CYP4Z1: variants seen among roughly 807,000 people sequenced by gnomAD.
The protein encoded by CYP4Z1 is cytochrome P450 4Z1.
Under a neutral mutation model 54.2 loss-of-function variants are expected in CYP4Z1, and 41 were observed. The ratio of observed to expected loss-of-function variants is 0.76; its 90% CI spans 0.59 to 0.98. The LOEUF (loss-of-function observed/expected upper bound fraction) is 0.98, where lower values mean the gene tolerates loss of function less well. CYP4Z1 is among the 50% of genes least tolerant of loss of function. The probability of loss-of-function intolerance (pLI) is 0.00; values close to 1 mark genes in which losing one functional copy is unlikely to be tolerated. For synonymous variants in CYP4Z1, 163 were observed against 206.2 expected, an observed-to-expected ratio of 0.79 and a Z score of 1.79; for missense variants, 513 against 599.0, an observed-to-expected ratio of 0.86 and a Z score of 1.50.
At chr1:47,108,126 AC>A (rs1403457070) in intron 9 of CYP4Z1, among the ~76,000 whole-genome samples, 80 of 152,208 alleles carry the variant, frequency 5.3e-4, no homozygotes, top group African/African-American at 1.8e-3. Context: ...TTTCCGCCAC[AC>A]CTTCTTGCCC....
intron 7 of CYP4Z1, among the ~76,000 whole-genome samples, chr1:47,095,120 TG>T (rs1388814151): frequency 6.6e-6 from 1 of 152,222 alleles, no homozygotes; most frequent in African/African-American, 2.4e-5. Context: ...TTTAATTATC[TG>T]GGCACTTGTC....
chr1:47,060,471 A>G, the CYP4Z1 span, among the ~76,000 whole-genome samples: 63,460 of 151,634 alleles, frequency 0.42, 14,574 homozygotes, highest in East Asian at 0.96. Context: ...AAAGAAGGGC[A>G]TTACATCAAG....
At chr1:47,108,786 C>T (rs2148540853) in intron 9 of CYP4Z1, among the ~76,000 whole-genome samples, 1 of 152,200 alleles carries the variant, frequency 6.6e-6, no homozygotes, top group African/African-American at 2.4e-5. Context: ...AAACCTATTC[C>T]TCCTCCTGGA....
At position 47,115,601 on chromosome 1, in the gene CYP4Z1, T is replaced by C. The variant is rs1160998573; in HGVS notation, c.1266+8T>C. 5 of 1,612,860 alleles carry C rather than the reference T, an allele frequency of 3.1e-6. No individual in the cohort carries two copies. In the South Asian group the frequency reaches 5.5e-5, roughly 18 times the overall value. ...TTCTGGGAAGACCCTCAGGTATGAT[T>C]GTCCCAACTGCACCCAGTGGCATCT... On this transcript the variant is annotated splice_region_variant and intron_variant, in intron 10 of 11. Transcript: ENST00000334194.
chr1:47,083,216 A>C (rs938638168), intron 4 of CYP4Z1, among the ~76,000 whole-genome samples: 4 of 152,088 alleles, frequency 2.6e-5, no homozygotes, highest in African/African-American at 9.7e-5. Context: ...GGGCTCAGAG[A>C]CATGGGTTCC....
upstream of CYP4Z1, among the ~76,000 whole-genome samples, chr1:47,064,977 A>G (rs1335322188): frequency 1.3e-5 from 2 of 152,244 alleles, no homozygotes; most frequent in South Asian, 2.1e-4. Flanking sequence ...TAAAAGGATT[A>G]GTCCAACAGA....
In CYP4Z1 at chr1:47,093,873, G is replaced by A. The variant is rs2758726; in HGVS notation, c.773-693G>A. 5.2e-3 allele frequency among the ~76,000 whole-genome samples: 788 copies of A among 152,256 alleles called. 9 individuals are homozygous for A. The highest frequency in any genetic ancestry group is 0.017 in the African/African-American group (717 of 41,558). Reference sequence around the variant, plus strand: ...AATGTGTGTTATGGAGAGAATTTCTGTTTCCACTAGTCATTTATCAGTTCC... The same window carrying A: ...AATGTGTGTTATGGAGAGAATTTCTATTTCCACTAGTCATTTATCAGTTCC... On this transcript the variant is annotated intron_variant, in intron 6 of 11. Transcript: ENST00000334194.
chr1:47,089,351 G>A (rs1462322592), intron 6 of CYP4Z1, among the ~76,000 whole-genome samples: 1 of 151,838 alleles, frequency 6.6e-6, no homozygotes, highest in Non-Finnish European at 1.5e-5. Flanking sequence ...CGAGGTATAT[G>A]TGCAGGATGT....
chr1:47,115,649 G>T (rs1188138483), intron 10 of CYP4Z1, 56 bp downstream of exon 10: 2 of 1,503,964 alleles, frequency 1.3e-6, no homozygotes, highest in Non-Finnish European at 1.8e-6. Flanking sequence ...AGAGGGAAGA[G>T]AAGCATCTTC....
chr1:47,116,146 A>G lies in CYP4Z1; in HGVS notation c.1267-504A>G, dbSNP rs535685335. 6.6e-5 allele frequency among the ~76,000 whole-genome samples: 10 copies of G among 152,244 alleles called. No homozygotes were observed. In the East Asian group the frequency reaches 1.9e-3, roughly 29 times the overall value. ...CCAACCCCACAGCCCAGGAGATACT[A>G]ATCGGCAGCCTCTCACAGAGACTTT... On this transcript the variant is annotated intron_variant, in intron 10 of 11. Transcript: ENST00000334194.
At position 47,106,192 on chromosome 1, in the gene CYP4Z1, C is replaced by A. The variant is rs1355393737; in HGVS notation, c.1132C>A (p.Pro378Thr). Residue 378 changes from proline (P) to threonine (T), a missense_variant, in exon 9 of 12, where the codon CCG becomes ACG. Physicochemically the swap from Pro to Thr is conservative, Grantham distance 38. Coordinates refer to ENST00000334194, the MANE Select transcript of CYP4Z1 (RefSeq NM_178134.3). The part of the protein sequence containing the change: ...CIKECLRLYA[P>T]VVNISRLLDK... ...CAAGGAATGCCTCCGCCTCTACGCA[C>A]CGGTAGTAAACATATCCCGGTTACT... 2.5e-6 allele frequency: 4 copies of A among 1,614,102 alleles called. No homozygotes were observed. Among genetic ancestry groups the A allele is most frequent in the East Asian group, 2.2e-5 (1 of 44,868 alleles).
At chr1:47,110,794 G>T (rs2758720) in intron 9 of CYP4Z1, among the ~76,000 whole-genome samples, 2 of 149,558 alleles carry the variant, frequency 1.3e-5, no homozygotes, top group Non-Finnish European at 3.0e-5. Context: ...CAACCATAGA[G>T]GTTAGACCCT....
intron 6 of CYP4Z1, among the ~76,000 whole-genome samples, chr1:47,088,023 C>T (rs1247579905): frequency 1.3e-5 from 2 of 152,126 alleles, no homozygotes; most frequent in Non-Finnish European, 2.9e-5. Context: ...GTTGAACCAG[C>T]CTTGCATCCC....
At chr1:47,105,083 A>G (rs1644747463) in intron 8 of CYP4Z1, among the ~76,000 whole-genome samples, 2 of 152,170 alleles carry the variant, frequency 1.3e-5, no homozygotes, top group South Asian at 4.1e-4. Context: ...TGGCCCTTGC[A>G]GCTACAGTTA....
Position 47,099,160 on chromosome 1 carries a change from G to C in CYP4Z1, c.943G>C (p.Gly315Arg), listed in dbSNP as rs769322320. 6.8e-6 allele frequency: 11 copies of C among 1,614,024 alleles called. No individual in the cohort carries two copies. In the East Asian group the frequency reaches 1.8e-4, roughly 26 times the overall value. The part of the protein sequence containing the change: ...QAEVKTFMFA[G>R]HDTTSSAISW... ...TGAAGTGAAAACGTTCATGTTTGCA[G>C]GACATGACACCACATCCAGTGCTAT... The change falls in exon 8 of 12, where the codon GGA becomes CGA. Residue 315 changes from glycine to arginine, a missense_variant. Gly to Arg is a moderately radical substitution (Grantham distance 125, BLOSUM62 -2). Coordinates refer to ENST00000334194, the MANE Select transcript of CYP4Z1 (RefSeq NM_178134.3).
Position 47,084,965 on chromosome 1 carries a change from T to A in CYP4Z1, c.759T>A (p.Leu253=). 1 of 1,400,386 alleles carries A rather than the reference T, an allele frequency of 7.1e-7. No individual in the cohort carries two copies. The highest frequency in any genetic ancestry group is 1.3e-5 in the South Asian group (1 of 74,976). The allele number at this position is 1,400,386 out of a possible 1,614,324, so 86.7% of individuals were successfully genotyped here. A position where few individuals can be genotyped will look rare whatever the true frequency, so the allele number is the denominator to read the frequency against. ...TCTTTTCTAAATTTAACCAAGAACT[T>A]CATCAGTTCACAGGTTAGTCCTGGG... ...GQIFSKFNQE[L]HQFTEKVIQD... is the part of the protein sequence containing the mutation. The change falls in exon 6 of 12, where the codon CTT becomes CTA. Residue 253 remains leucine (L), a synonymous_variant. Transcript: ENST00000334194.
At chr1:47,082,725 T>C (rs1644564128) in intron 4 of CYP4Z1, among the ~76,000 whole-genome samples, 1 of 151,266 alleles carries the variant, frequency 6.6e-6, no homozygotes, top group African/African-American at 2.4e-5. Context: ...CTCACTACAT[T>C]TGGAGAACAC....
At chr1:47,087,564 A>C (rs1644605452) in intron 6 of CYP4Z1, among the ~76,000 whole-genome samples, 1 of 152,184 alleles carries the variant, frequency 6.6e-6, no homozygotes, top group African/African-American at 2.4e-5. Flanking sequence ...GACTTTGCTG[A>C]AGTTGCTTAT....
intron 9 of CYP4Z1, among the ~76,000 whole-genome samples, chr1:47,114,399 T>C (rs1194652336): frequency 6.6e-6 from 1 of 152,100 alleles, no homozygotes; most frequent in Non-Finnish European, 1.5e-5. Flanking sequence ...GGACTTCATG[T>C]CTAAAACACC....
Sources: gnomAD v4.1 joint callset for allele counts (sites outside exome capture counted in the v4.1 genomes callset) on GRCh38, gnomAD v4.1.1 for gene constraint, MANE v1.5 for transcripts, NCBI Gene and HGNC (gene_info 2026-07-23, HGNC 2026-07-21) for gene names.